The following ITPR1 variants were observed in gnomAD, a reference collection of about 807,000 sequenced individuals.
ITPR1 encodes the protein inositol 1,4,5-trisphosphate-gated calcium channel ITPR1.
In ITPR1, 96 loss-of-function variants were observed where a neutral mutation model predicts 318.4. The ratio of observed to expected loss-of-function variants is 0.30; its 90% CI spans 0.26 to 0.36. The LOEUF is 0.36. Among genes scored for constraint, ITPR1 ranks in the 10% least tolerant of loss-of-function variants. The pLI is 1.00. For missense variants in ITPR1, 2,440 were observed against 3,460.2 expected (o/e 0.71, Z 7.40); for synonymous variants, 1,312 against 1,289.9 (o/e 1.02, Z -0.37).
At chr3:4,552,995 C>T (rs537879632) in intron 4 of ITPR1, among the ~76,000 whole-genome samples, 20 of 152,156 alleles carry the variant, frequency 1.3e-4, no homozygotes, top group Non-Finnish European at 2.8e-4. Flanking sequence ...GGGACTTTCT[C>T]GTTGACCCCA....
chr3:4,760,127 T>C (rs2045333801), intron 44 of ITPR1, among the ~76,000 whole-genome samples: 1 of 152,288 alleles, frequency 6.6e-6, no homozygotes, highest in Non-Finnish European at 1.5e-5. Context: ...GAGTTGGTTG[T>C]GGCTCTGCCA....
At chr3:4,813,354 G>A (rs2049066249) in intron 57 of ITPR1, 120 bp downstream of exon 57, 3 of 661,176 alleles carry the variant, frequency 4.5e-6, no homozygotes, top group Non-Finnish European at 7.8e-6. Context: ...ATAGCAAAGG[G>A]GAAAGGCTGA....
Position 4,693,588 on chromosome 3 carries a change from TGAG to T in ITPR1, c.4129_4131del (p.Glu1377del). 6.2e-7 allele frequency: 1 copy of T among 1,613,978 alleles called. No homozygotes were observed. The highest frequency in any genetic ancestry group is 8.5e-7 in the Non-Finnish European group (1 of 1,179,876). The stretch of plus-strand genomic sequence containing the variant: ...TGCGGTCAGAACGGGATCGGATGGA[TGAG>T]AACAGCCCTCTCATGTACCACATCC... On this transcript the variant is annotated inframe_deletion, in exon 33 of 62. Transcript: ENST00000649015.
At chr3:4,692,068 G>C (rs1467903298) in intron 32 of ITPR1, among the ~76,000 whole-genome samples, 4 of 151,128 alleles carry the variant, frequency 2.6e-5, no homozygotes, top group African/African-American at 9.7e-5. Flanking sequence ...TTGAGCCCAG[G>C]ATTTTGACCT....
chr3:4,812,946 T>C (rs777287970), intron 56 of ITPR1, 196 bp from the exon 57 acceptor site: 25 of 595,252 alleles, frequency 4.2e-5, no homozygotes, highest in Non-Finnish European at 7.2e-5. Flanking sequence ...CCTACAGGAA[T>C]TGACATTTTT....
Position 4,665,089 on chromosome 3 carries a change from T to G in ITPR1, c.1555-49T>G, listed in dbSNP as rs1034110183. ...CATTACTTCCAAACAGAGGGTTAGC[T>G]TTGAAGCCCTAAGTGATTGCCATTT... On this transcript the variant is annotated intron_variant, in intron 16 of 61. Coordinates refer to ENST00000649015, the MANE Select transcript of ITPR1 (RefSeq NM_001378452.1). The G allele has an allele frequency of 4.4e-6, 7 of 1,603,614 alleles. No homozygotes were observed. In the African/African-American group the frequency reaches 9.4e-5, roughly 21 times the overall value.
intron 61 of ITPR1, among the ~76,000 whole-genome samples, chr3:4,844,140 T>C (rs888264467): frequency 8.6e-5 from 13 of 151,256 alleles, no homozygotes; most frequent in African/African-American, 2.7e-4. Flanking sequence ...TTTTTTTTTT[T>C]CCAAGACAAG....
At chr3:4,795,040 C>A in intron 52 of ITPR1, 25 bp from the exon 53 acceptor site, 1 of 1,583,398 alleles carries the variant, frequency 6.3e-7, no homozygotes, top group Non-Finnish European at 8.6e-7. Flanking sequence ...TCCAGCCTCA[C>A]GCGGCTTTGC....
At chr3:4,730,374 T>TGC (rs1347707033) in intron 42 of ITPR1, among the ~76,000 whole-genome samples, 1 of 41,644 alleles carries the variant, frequency 2.4e-5, no homozygotes, top group Non-Finnish European at 4.8e-5. Flanking sequence ...GGGTGGAATG[T>TGC]GTGTGTGTGT....
chr3:4,617,311 C>A (rs553542553), intron 4 of ITPR1, among the ~76,000 whole-genome samples: 78 of 152,046 alleles, frequency 5.1e-4, no homozygotes, highest in Non-Finnish European at 9.0e-4. Context: ...CTGGGAAGTC[C>A]AATGTCAAGG....
chr3:4,678,409 G>A (rs1433056836), intron 24 of ITPR1, among the ~76,000 whole-genome samples: 1 of 152,128 alleles, frequency 6.6e-6, no homozygotes, highest in East Asian at 1.9e-4. Flanking sequence ...ACGACGCAGT[G>A]CAAAACTTGG....
intron 20 of ITPR1, chr3:4,671,545 T>G (rs1359132143): frequency 6.6e-6 from 1 of 152,426 alleles, no homozygotes; most frequent in Admixed American, 6.5e-5. Flanking sequence ...TCCCTGTATG[T>G]TTACCCATCT....
intron 4 of ITPR1, among the ~76,000 whole-genome samples, chr3:4,586,405 T>C (rs975775550): frequency 6.6e-6 from 1 of 152,120 alleles, no homozygotes; most frequent in African/African-American, 2.4e-5. Flanking sequence ...TAGCTAGAAG[T>C]GTTAACCCTG....
At chr3:4,825,919 C>G in intron 60 of ITPR1, 1 of 382,806 alleles carries the variant, frequency 2.6e-6, no homozygotes, top group Admixed American at 3.4e-5. Flanking sequence ...AAGATGGTGG[C>G]AGCAGTGACC....
chr3:4,504,136 T>A (rs957328886), intron 2 of ITPR1, among the ~76,000 whole-genome samples: 1 of 152,262 alleles, frequency 6.6e-6, no homozygotes, highest in African/African-American at 2.4e-5. Flanking sequence ...GGTTGGCTTC[T>A]CTTACTTTGG....
chr3:4,658,041 C>A, intron 12 of ITPR1, 83 bp from the exon 13 acceptor site: 1 of 1,326,694 alleles, frequency 7.5e-7, no homozygotes, highest in Non-Finnish European at 1.0e-6. Flanking sequence ...CTTTCTTCTC[C>A]GTTCCTGTGG....
At chr3:4,823,626 G>A (rs139857783) in intron 60 of ITPR1, among the ~76,000 whole-genome samples, 2 of 152,122 alleles carry the variant, frequency 1.3e-5, no homozygotes, top group African/African-American at 2.4e-5. Flanking sequence ...AATTGATCAC[G>A]TGGCAAGTGG....
chr3:4,645,350 G>A (rs1177648125), intron 8 of ITPR1, 37 bp from the exon 9 acceptor site: 1 of 1,395,376 alleles, frequency 7.2e-7, no homozygotes, highest in Non-Finnish European at 1.0e-6. Context: ...GTTGTTGTGA[G>A]GGGTACGTGA....
At chr3:4,548,946 G>A (rs1325367570) in intron 4 of ITPR1, among the ~76,000 whole-genome samples, 1 of 152,156 alleles carries the variant, frequency 6.6e-6, no homozygotes, top group Non-Finnish European at 1.5e-5. Context: ...TCTTGAAATG[G>A]AAGGCCGATG....
Sources: allele counts gnomAD v4.1 joint callset (sites outside exome capture counted in the v4.1 genomes callset), GRCh38; gene constraint gnomAD v4.1.1; transcripts MANE v1.5; gene names NCBI Gene and HGNC (gene_info 2026-07-23, HGNC 2026-07-21).